The following TMEM273 variants were observed in gnomAD, a reference collection of about 807,000 sequenced individuals.
TMEM273 encodes the protein transmembrane protein 273, also known as chromosome 10 open reading frame 128.
TMEM273 carries 19 observed loss-of-function variants against 17.9 expected under a neutral mutation model. The ratio of observed to expected loss-of-function variants is 1.06; its 90% CI spans 0.74 to 1.55. The LOEUF is 1.55. TMEM273 is among the 40% of genes most tolerant of loss of function. The pLI is 0.00. For missense variants in TMEM273, 194 were observed against 155.6 expected (o/e 1.25, Z -1.31); for synonymous variants, 66 against 62.0 (o/e 1.07, Z -0.31).
intron 5 of TMEM273, 58 bp from the exon 6 acceptor site, chr10:49,161,680 T>C: frequency 1.2e-6 from 2 of 1,608,040 alleles, no homozygotes; most frequent in Non-Finnish European, 1.7e-6. Context: ...AGAAAGACAA[T>C]GCAAAACTTG....
At chr10:49,161,692 T>G (rs142121817) in intron 5 of TMEM273, 70 bp from the exon 6 acceptor site, 24 of 1,593,846 alleles carry the variant, frequency 1.5e-5, no homozygotes, top group Non-Finnish European at 2.1e-5. Context: ...CAAAACTTGC[T>G]GCAAGAGAGT....
intron 1 of TMEM273, among the ~76,000 whole-genome samples, chr10:49,173,744 A>G (rs531193313): frequency 6.6e-6 from 1 of 152,330 alleles, no homozygotes; most frequent in Non-Finnish European, 1.5e-5. Flanking sequence ...AGAAAGGTGG[A>G]TGGGAGAAGT....
At chr10:49,162,477 C>A (rs188839890) in intron 5 of TMEM273, among the ~76,000 whole-genome samples, 3 of 152,322 alleles carry the variant, frequency 2.0e-5, no homozygotes, top group Non-Finnish European at 4.4e-5. Context: ...CAAGGTCTGG[C>A]GATTTGCAAA....
Position 49,165,755 on chromosome 10 carries a change from A to G in TMEM273, c.269+11T>C. 3 of 1,614,196 alleles carry G rather than the reference A, an allele frequency of 1.9e-6. No homozygotes were observed. Among genetic ancestry groups the G allele is most frequent in the Non-Finnish European group, 2.5e-6 (3 of 1,180,010 alleles). ...GATACCTCTCCCTGACTGTGTGGGC[A>G]GTGACCTTACCTTGGGGCTCTCTTC... is the stretch of plus-strand genomic sequence containing the variant. On this transcript the variant is annotated intron_variant, in intron 4 of 6. Transcript: ENST00000374153.
chr10:49,154,886 A>C lies in TMEM273; in HGVS notation c.*1006T>G, dbSNP rs1428853130. 6.6e-6 allele frequency: 1 copy of C among 152,236 alleles called. No individual in the cohort carries two copies. Among genetic ancestry groups the C allele is most frequent in the Non-Finnish European group, 1.5e-5 (1 of 68,032 alleles). 9.4% of individuals were successfully genotyped at this position (152,236 alleles called of 1,614,324 possible). Reference sequence around the variant, plus strand: ...GACGCCCTGGGAGTCCAGGCAAATCATGACAACACAGCACTTTGTTCTGAA... The same window carrying C: ...GACGCCCTGGGAGTCCAGGCAAATCCTGACAACACAGCACTTTGTTCTGAA... On this transcript the variant is annotated 3_prime_UTR_variant, in exon 7 of 7. Transcript: ENST00000374153.
rs747553870 is a variant in TMEM273, at chr10:49,165,499, G to T, written c.270-216C>A. On this transcript the variant is annotated intron_variant, in intron 4 of 6. Transcript: ENST00000374153. ...GGGTATGCACTGAAGGGGTCTGAGT[G>T]GGGGTGGAACAGGATCTAATCCAGG... The T allele has an allele frequency of 4.9e-6, 7 of 1,428,104 alleles. No individual in the cohort carries two copies. The East Asian group carries it at 7.5e-5, about 15-fold the overall frequency. 88.5% of individuals were successfully genotyped at this position (1,428,104 alleles called of 1,614,324 possible). A position where few individuals can be genotyped will look rare whatever the true frequency, so the allele number is the denominator to read the frequency against.
intron 3 of TMEM273, among the ~76,000 whole-genome samples, chr10:49,166,156 G>A (rs1390206996): frequency 1.3e-5 from 2 of 152,136 alleles, no homozygotes; most frequent in African/African-American, 2.4e-5. Context: ...CTCCCCAGAA[G>A]CACCCCATGG....
chr10:49,162,296 T>TAC (rs895840910), intron 5 of TMEM273, among the ~76,000 whole-genome samples: 1 of 152,052 alleles, frequency 6.6e-6, no homozygotes, highest in African/African-American at 2.4e-5. Flanking sequence ...CACATGCACA[T>TAC]ACACACACAT....
chr10:49,188,230 G>T, intron 1 of TMEM273, 64 bp downstream of exon 1: 6 of 1,577,794 alleles, frequency 3.8e-6, no homozygotes, highest in Admixed American at 1.7e-5. Context: ...GTGGGCTAAG[G>T]CTCCCCCAGT....
intron 6 of TMEM273, among the ~76,000 whole-genome samples, chr10:49,160,168 T>C (rs1845753219): frequency 6.6e-6 from 1 of 152,200 alleles, no homozygotes. Flanking sequence ...TGAGGAATTG[T>C]TGGGGGTCGG....
At chr10:49,156,122 G>T (rs772872521) in intron 6 of TMEM273, 118 of 1,538,234 alleles carry the variant, frequency 7.7e-5, no homozygotes, top group Non-Finnish European at 9.7e-5. Context: ...GTTGTTTTCT[G>T]CCTGCCAAAC....
intron 5 of TMEM273, among the ~76,000 whole-genome samples, chr10:49,161,943 C>T (rs1356530529): frequency 6.6e-6 from 1 of 152,192 alleles, no homozygotes; most frequent in African/African-American, 2.4e-5. Flanking sequence ...CTCCCTCTCT[C>T]CTGGCCTTTA....
intron 6 of TMEM273, among the ~76,000 whole-genome samples, chr10:49,158,341 T>C (rs1490332796): frequency 6.6e-6 from 1 of 152,164 alleles, no homozygotes; most frequent in East Asian, 1.9e-4. Context: ...TTTTCTTTGC[T>C]TTGGTCTATA....
chr10:49,165,863 GCTTTCACCTCC>G (rs1846146008), intron 3 of TMEM273, 67 bp from the exon 4 acceptor site: 1 of 1,594,114 alleles, frequency 6.3e-7, no homozygotes, highest in Non-Finnish European at 8.6e-7. Flanking sequence ...ATTCCCTAGA[GCTTTCACCTCC>G]CTCTCCTTGG....
intron 1 of TMEM273, among the ~76,000 whole-genome samples, chr10:49,175,675 C>T (rs901558228): frequency 1.3e-5 from 2 of 152,248 alleles, no homozygotes; most frequent in African/African-American, 4.8e-5. Flanking sequence ...CTGGCCTGGG[C>T]CTGAACCAGG....
chr10:49,168,001 G>T (rs775504884), intron 1 of TMEM273, 39 bp from the exon 2 acceptor site: 1 of 1,612,428 alleles, frequency 6.2e-7, no homozygotes, highest in Non-Finnish European at 8.5e-7. Context: ...TTAGAACAGA[G>T]CTGGCTGTGG....
Position 49,188,276 on chromosome 10 carries a change from C to T in TMEM273, c.43+18G>A, listed in dbSNP as rs1847846049. 3 of 1,613,970 alleles carry T rather than the reference C, an allele frequency of 1.9e-6. No homozygotes were observed. The highest frequency in any genetic ancestry group is 2.2e-5 in the East Asian group (1 of 44,874). The stretch of plus-strand genomic sequence containing the variant: ...CTGAGGCTCCCCCGGGCCAGAGACC[C>T]CCGCAGTCCCCACTTACCCAGGAGG... On this transcript the variant is annotated intron_variant, in intron 1 of 6. Coordinates refer to ENST00000374153, the MANE Select transcript of TMEM273 (RefSeq NM_001288740.3).
intron 1 of TMEM273, among the ~76,000 whole-genome samples, chr10:49,181,831 A>T: frequency 1.4e-5 from 1 of 69,968 alleles, no homozygotes; most frequent in Admixed American, 1.6e-4. Context: ...GAAAAAAAAG[A>T]TTAATAAGTT....
At position 49,164,604 on chromosome 10, in the gene TMEM273, C is replaced by T. The variant is rs891580593; in HGVS notation, c.348+601G>A. Among the ~76,000 whole-genome samples the T allele has an allele frequency of 3.3e-5, 5 of 152,324 alleles. No individual in the cohort carries two copies. The East Asian group carries it at 9.6e-4, about 29-fold the overall frequency. ...GCATAGAAACTACCTATCTCTCCAG[C>T]GCTTCCTTCCATATCGTCACATGAA... On this transcript the variant is annotated intron_variant, in intron 5 of 6. Transcript: ENST00000374153.
Sources: gnomAD v4.1 joint callset for allele counts (sites outside exome capture counted in the v4.1 genomes callset) on GRCh38, gnomAD v4.1.1 for gene constraint, MANE v1.5 for transcripts, NCBI Gene and HGNC (gene_info 2026-07-23, HGNC 2026-07-21) for gene names.